The following KCNB2 variants were observed in gnomAD, a reference collection of about 807,000 sequenced individuals.
KCNB2 encodes the protein delayed rectifier potassium channel protein.
Under a neutral mutation model 61.5 loss-of-function variants are expected in KCNB2, and 15 were observed. That is an observed-to-expected ratio of 0.24 (90% confidence interval 0.16 to 0.38). The LOEUF (loss-of-function observed/expected upper bound fraction) is 0.38, where lower values mean the gene tolerates loss of function less well. KCNB2 is among the 10% of genes least tolerant of loss of function. The probability of loss-of-function intolerance (pLI) is 1.00; values close to 1 mark genes in which losing one functional copy is unlikely to be tolerated. For missense variants in KCNB2, 828 were observed against 1,125.2 expected, an observed-to-expected ratio of 0.74 and a Z score of 3.78; for synonymous variants, 457 against 446.0, an observed-to-expected ratio of 1.02 and a Z score of -0.31.
At chr8:72,784,125 A>T (rs1040048923) in intron 2 of KCNB2, among the ~76,000 whole-genome samples, 1 of 152,140 alleles carries the variant, frequency 6.6e-6, no homozygotes, top group Non-Finnish European at 1.5e-5. Flanking sequence ...GATTGGATAT[A>T]TTATATATAT....
chr8:72,576,992 C>T (rs1325842985), intron 2 of KCNB2, among the ~76,000 whole-genome samples: 1 of 152,190 alleles, frequency 6.6e-6, no homozygotes, highest in African/African-American at 2.4e-5. Context: ...TAGGAACTAA[C>T]ATCAGAACTA....
intron 1 of KCNB2, among the ~76,000 whole-genome samples, chr8:72,560,912 A>C (rs1046905578): frequency 6.6e-6 from 1 of 152,156 alleles, no homozygotes; most frequent in Non-Finnish European, 1.5e-5. Context: ...TTTAGGGCCT[A>C]GTTCTTTAAA....
chr8:72,930,598 T>C (rs1806759547), intron 2 of KCNB2, among the ~76,000 whole-genome samples: 1 of 152,234 alleles, frequency 6.6e-6, no homozygotes, highest in Non-Finnish European at 1.5e-5. Context: ...ATGTCTTCTT[T>C]TGAGAAGTGT....
chr8:72,556,925 G>C (rs569623718), intron 1 of KCNB2, among the ~76,000 whole-genome samples: 23 of 152,094 alleles, frequency 1.5e-4, no homozygotes, highest in Admixed American at 9.2e-4. Context: ...AGATCAAGGT[G>C]CTGGCAGATT....
intron 2 of KCNB2, among the ~76,000 whole-genome samples, chr8:72,575,613 A>G (rs1479476541): frequency 6.6e-6 from 1 of 152,160 alleles, no homozygotes; most frequent in African/African-American, 2.4e-5. Flanking sequence ...TAAATATTGC[A>G]TAAATTGAGT....
chr8:72,551,421 T>G (rs35811981), intron 1 of KCNB2, among the ~76,000 whole-genome samples: 2,753 of 152,222 alleles, frequency 0.018, 31 homozygotes, highest in Non-Finnish European at 0.027. Flanking sequence ...TCTGGCCCCT[T>G]GTCGCCAGCA....
intron 2 of KCNB2, among the ~76,000 whole-genome samples, chr8:72,658,842 G>A (rs1806334710): frequency 6.6e-6 from 1 of 152,198 alleles, no homozygotes; most frequent in Non-Finnish European, 1.5e-5. Context: ...TCTGTTTACA[G>A]CATGGTTTAC....
intron 2 of KCNB2, among the ~76,000 whole-genome samples, chr8:72,772,167 C>G (rs1476036868): frequency 6.6e-6 from 1 of 152,120 alleles, no homozygotes; most frequent in Non-Finnish European, 1.5e-5. Context: ...GATTCTTCAG[C>G]CAGAGGCATT....
intron 2 of KCNB2, chr8:72,749,398 G>A (rs1217487383): frequency 2.0e-5 from 3 of 151,964 alleles, no homozygotes; most frequent in Non-Finnish European, 4.4e-5. Flanking sequence ...TTCCAAGAGT[G>A]ACCCACTGTG....
chr8:72,656,310 C>G (rs1284430225), intron 2 of KCNB2, among the ~76,000 whole-genome samples: 1 of 152,086 alleles, frequency 6.6e-6, no homozygotes, highest in East Asian at 1.9e-4. Flanking sequence ...CAACTTGCAC[C>G]TCTGAGAGTG....
chr8:72,732,131 AAT>A (rs1807755455), intron 2 of KCNB2: 1 of 152,192 alleles, frequency 6.6e-6, no homozygotes, highest in Admixed American at 6.5e-5. Context: ...TTTCCCACAG[AAT>A]ATGTTTTCTT....
intron 2 of KCNB2, among the ~76,000 whole-genome samples, chr8:72,756,893 A>C (rs1293992448): frequency 2.0e-5 from 3 of 152,154 alleles, no homozygotes; most frequent in Non-Finnish European, 4.4e-5. Flanking sequence ...CAGTATAAGG[A>C]AGGCAGGAAG....
intron 2 of KCNB2, among the ~76,000 whole-genome samples, chr8:72,593,212 G>A (rs564466632): frequency 5.3e-5 from 8 of 152,188 alleles, no homozygotes; most frequent in South Asian, 2.1e-4. Flanking sequence ...TAATATTTAC[G>A]TTTTAGAAAG....
At chr8:72,935,105 G>A (rs1806872648) in intron 2 of KCNB2, among the ~76,000 whole-genome samples, 1 of 152,002 alleles carries the variant, frequency 6.6e-6, no homozygotes, top group Admixed American at 6.6e-5. Context: ...TAAATAACTT[G>A]CCCAAGGTCA....
chr8:72,656,782 C>T (rs934879272), intron 2 of KCNB2, among the ~76,000 whole-genome samples: 5 of 152,130 alleles, frequency 3.3e-5, no homozygotes, highest in African/African-American at 1.2e-4. Flanking sequence ...AACAATAGCA[C>T]ATGCACCGTG....
At chr8:72,897,018 G>A (rs1806000425) in intron 2 of KCNB2, among the ~76,000 whole-genome samples, 2 of 152,090 alleles carry the variant, frequency 1.3e-5, no homozygotes, top group African/African-American at 4.8e-5. Flanking sequence ...GCTTGCAAAT[G>A]CATAGACTTA....
intron 1 of KCNB2, among the ~76,000 whole-genome samples, chr8:72,550,171 G>T (rs1460925395): frequency 3.9e-5 from 6 of 152,174 alleles, no homozygotes; most frequent in Non-Finnish European, 8.8e-5. Context: ...ACTCTTGTTT[G>T]CCTCTGACTT....
intron 2 of KCNB2, among the ~76,000 whole-genome samples, chr8:72,775,505 C>T (rs938412571): frequency 2.6e-5 from 4 of 151,970 alleles, no homozygotes; most frequent in African/African-American, 7.3e-5. Flanking sequence ...GATGTGTGCG[C>T]GTATTTTTTA....
chr8:72,753,467 T>G (rs1212317830), intron 2 of KCNB2, among the ~76,000 whole-genome samples: 2 of 152,008 alleles, frequency 1.3e-5, no homozygotes, highest in African/African-American at 2.4e-5. Context: ...TCCAGAAGAG[T>G]CATTGAAAAA....
Sources: gnomAD v4.1 joint callset for allele counts (sites outside exome capture counted in the v4.1 genomes callset) on GRCh38, gnomAD v4.1.1 for gene constraint, MANE v1.5 for transcripts, NCBI Gene and HGNC (gene_info 2026-07-23, HGNC 2026-07-21) for gene names.